The following ZGLP1 variants were observed in gnomAD, a reference collection of about 807,000 sequenced individuals.
The protein encoded by ZGLP1 is GATA-type zinc finger protein 1.
Under a neutral mutation model 21.4 loss-of-function variants are expected in ZGLP1, and 11 were observed. The ratio of observed to expected loss-of-function variants is 0.51; its 90% CI spans 0.32 to 0.85. The LOEUF is 0.85. Among genes scored for constraint, ZGLP1 ranks in the 40% least tolerant of loss-of-function variants. The probability of loss-of-function intolerance (pLI) is 0.03; values close to 1 mark genes in which losing one functional copy is unlikely to be tolerated. For synonymous variants in ZGLP1, 148 were observed against 145.0 expected, an observed-to-expected ratio of 1.02 and a Z score of -0.15; for missense variants, 295 against 355.6, an observed-to-expected ratio of 0.83 and a Z score of 1.37.
In ZGLP1 at chr19:10,305,251, G is replaced by A; in HGVS notation, c.699-43C>T. ...GAAACTGCCATTTAGGATGCAGTGG[G>A]GGCCCGGAAACCGCCACAAGGAAAC... On this transcript the variant is annotated intron_variant, in intron 3 of 3. Transcript: ENST00000403903. The surrounding 1 kb of genome is among the most constrained non-coding windows in gnomAD (Gnocchi z 4.7). 3 of 1,596,452 alleles carry A rather than the reference G, an allele frequency of 1.9e-6. No individual in the cohort carries two copies. The highest frequency in any genetic ancestry group is 1.1e-5 in the South Asian group (1 of 90,698).
chr19:10,309,056 AAT>A (rs1252750178), exon 1 of ZGLP1: 2 of 172,898 alleles, frequency 1.2e-5, no homozygotes, highest in African/African-American at 4.7e-5. Context: ...GGCTTGCCAT[AAT>A]ATGATTACGA....
At chr19:10,306,511 C>T (rs937940823) in intron 1 of ZGLP1, among the ~76,000 whole-genome samples, 2 of 152,118 alleles carry the variant, frequency 1.3e-5, no homozygotes, top group East Asian at 3.8e-4. Context: ...AGCCTGGACA[C>T]ATTATCTCCT....
exon 4 of ZGLP1, chr19:10,304,972 G>C: frequency 1.3e-6 from 1 of 763,704 alleles, no homozygotes; most frequent in South Asian, 1.8e-5. Context: ...TGAATCTGGA[G>C]ATGGCAGAGA....
chr19:10,305,304 C>T lies in ZGLP1; in HGVS notation c.698+86G>A, dbSNP rs536935984. The T allele has an allele frequency of 1.6e-5, 25 of 1,553,904 alleles. No individual in the cohort carries two copies. The highest frequency in any genetic ancestry group is 1.1e-4 in the Admixed American group (6 of 53,964). ...CTTTTCCCAAGAGGTAGGTGTTTTG[C>T]TTTTTGCTTTCCCCACAGGCCATCC... On this transcript the variant is annotated intron_variant, in intron 3 of 3. Coordinates refer to ENST00000403903, the Ensembl canonical transcript of ZGLP1. The surrounding 1 kb of genome is among the most constrained non-coding windows in gnomAD (Gnocchi z 4.7).
In ZGLP1 at chr19:10,305,763, GA is replaced by G. The variant is rs1282109499; in HGVS notation, c.604+82del. On this transcript the variant is annotated intron_variant, in intron 2 of 3. Coordinates refer to ENST00000403903, the Ensembl canonical transcript of ZGLP1. This position sits in a 1 kb window ranked among gnomAD's most constrained non-coding sequence, Gnocchi z 4.7. ...GCTCTAAATGGGGAAGCAAGATGGA[GA>G]AGGGGGGGGCAGGGAGAAAGGCAGG... 5.2e-6 allele frequency: 6 copies of G among 1,155,388 alleles called. No homozygotes were observed. In the East Asian group the frequency reaches 1.3e-4, roughly 25 times the overall value. 71.6% of individuals were successfully genotyped at this position (1,155,388 alleles called of 1,614,324 possible).
chr19:10,305,760 G>T lies in ZGLP1; in HGVS notation c.604+86C>A. On this transcript the variant is annotated intron_variant, in intron 2 of 3. Transcript: ENST00000403903. The surrounding 1 kb of genome is among the most constrained non-coding windows in gnomAD (Gnocchi z 4.7). Reference sequence around the variant, plus strand: ...AGGGCTCTAAATGGGGAAGCAAGATGGAGAAGGGGGGGGCAGGGAGAAAGG... The same window carrying T: ...AGGGCTCTAAATGGGGAAGCAAGATTGAGAAGGGGGGGGCAGGGAGAAAGG... 1 of 1,133,174 alleles carries T rather than the reference G, an allele frequency of 8.8e-7. No homozygotes were observed. Among genetic ancestry groups the T allele is most frequent in the Non-Finnish European group, 1.3e-6 (1 of 767,782 alleles). 70.2% of individuals were successfully genotyped at this position (1,133,174 alleles called of 1,614,324 possible).
At position 10,308,926 on chromosome 19, in the gene ZGLP1, G is replaced by A. The variant is rs2040296435; in HGVS notation, c.-245C>T. ...AGACCGAGCCTCACTCTGTACCCCC[G>A]CCTGGAGTGCAGGGGCGTGATCAGG... On this transcript the variant is annotated 5_prime_UTR_variant, in exon 1 of 4. Transcript: ENST00000403903. 5 of 341,844 alleles carry A rather than the reference G, an allele frequency of 1.5e-5. No homozygotes were observed. In the Admixed American group the frequency reaches 2.2e-4, roughly 15 times the overall value. 21.2% of individuals were successfully genotyped at this position (341,844 alleles called of 1,614,324 possible).
At position 10,305,900 on chromosome 19, in the gene ZGLP1, G is replaced by A. The variant is rs1336778927; in HGVS notation, c.550C>T (p.Pro184Ser). 1 of 1,565,320 alleles carries A rather than the reference G, an allele frequency of 6.4e-7. No homozygotes were observed. The highest frequency in any genetic ancestry group is 1.9e-5 in the Admixed American group (1 of 53,056). The change falls in exon 2 of 4, where the codon CCT becomes TCT. Residue 184 changes from proline to serine, a missense_variant. Transcript: ENST00000403903. This position sits in a 1 kb window ranked among gnomAD's most constrained non-coding sequence, Gnocchi z 4.7. ...TCGGTGCCTCCTGGGTGGGCTGCAG[G>A]GCCCCCAACAGCATCTGCAGGGGAT...
At chr19:10,307,107 C>T (rs540829383) in intron 1 of ZGLP1, among the ~76,000 whole-genome samples, 2 of 150,286 alleles carry the variant, frequency 1.3e-5, no homozygotes, top group East Asian at 3.9e-4. Context: ...GCACTCCAGC[C>T]TGAACGACAG....
At position 10,305,356 on chromosome 19, in the gene ZGLP1, C is replaced by A. The variant is rs1382363124; in HGVS notation, c.698+34G>T. 1.9e-6 allele frequency: 3 copies of A among 1,558,970 alleles called. No homozygotes were observed. The highest frequency in any genetic ancestry group is 1.9e-5 in the Admixed American group (1 of 52,354). On this transcript the variant is annotated intron_variant, in intron 3 of 3. Coordinates refer to ENST00000403903, the Ensembl canonical transcript of ZGLP1. The surrounding 1 kb of genome is among the most constrained non-coding windows in gnomAD (Gnocchi z 4.7). ...GGTTACACGTGGACTGATTTGGGGA[C>A]CCCCGCCCCAACTCCCTCCTCCATT...
At chr19:10,304,830 C>T (rs1277532560) in exon 4 of ZGLP1, 5 of 526,316 alleles carry the variant, frequency 9.5e-6, no homozygotes, top group Non-Finnish European at 1.7e-5. Context: ...ACTTTATTGT[C>T]CCTGCTGTAA....
exon 1 of ZGLP1, chr19:10,308,756 C>T: frequency 1.5e-6 from 2 of 1,349,868 alleles, no homozygotes; most frequent in Middle Eastern, 2.7e-4. Context: ...CTCCCAGGCA[C>T]GCCCAGCCCT....
chr19:10,307,059 G>A (rs576983450), intron 1 of ZGLP1, among the ~76,000 whole-genome samples: 8 of 151,640 alleles, frequency 5.3e-5, no homozygotes, highest in Admixed American at 4.0e-4. Context: ...GTTTGAATCC[G>A]GGAGGCAGAG....
rs532632241 is a variant in ZGLP1 at position 10,305,855 on chromosome 19, C to T, written c.595G>A (p.Glu199Lys). Residue 199 changes from glutamate (E) to lysine (K), a missense_variant, in exon 2 of 4, where the codon GAG (glutamate) becomes AAG (lysine). Physicochemically the swap from Glu to Lys is moderately conservative, Grantham distance 56. Transcript: ENST00000403903. This position sits in a 1 kb window ranked among gnomAD's most constrained non-coding sequence, Gnocchi z 4.7. Reference sequence around the variant, plus strand: ...GGTTTTCAGGACTCACCCAGGGCCTCGCTGCCTGCTGAGTGGGCCTCGGTG... The same window carrying T: ...GGTTTTCAGGACTCACCCAGGGCCTTGCTGCCTGCTGAGTGGGCCTCGGTG... 5.5e-5 allele frequency: 86 copies of T among 1,554,590 alleles called. No individual in the cohort carries two copies. The highest frequency in any genetic ancestry group is 2.2e-4 in the East Asian group (9 of 41,546).
At chr19:10,308,495 T>G in exon 1 of ZGLP1, 7 of 1,610,726 alleles carry the variant, frequency 4.3e-6, no homozygotes, top group Non-Finnish European at 5.9e-6. Flanking sequence ...CTCTCCACTG[T>G]CTCTTGGAGG....
At chr19:10,306,963 A>G (rs933776920) in intron 1 of ZGLP1, among the ~76,000 whole-genome samples, 6 of 151,812 alleles carry the variant, frequency 4.0e-5, no homozygotes, top group African/African-American at 1.5e-4. Context: ...GCAAAACCCC[A>G]TCTCTACTAA....
At chr19:10,306,771 C>T (rs1007802326) in intron 1 of ZGLP1, among the ~76,000 whole-genome samples, 9 of 151,842 alleles carry the variant, frequency 5.9e-5, no homozygotes, top group African/African-American at 9.7e-5. Flanking sequence ...GCCATGATTG[C>T]GCCACTGCAC....
At chr19:10,308,538 A>G in exon 1 of ZGLP1, 1 of 1,605,622 alleles carries the variant, frequency 6.2e-7, no homozygotes, top group Non-Finnish European at 8.5e-7. Flanking sequence ...CCTGGCATGC[A>G]GGCCAGAGGG....
rs1302547696 is a variant in ZGLP1 at position 10,304,878 on chromosome 19, C to T, written c.*213G>A. Reference sequence around the variant, plus strand: ...TTCCTGAGAGCGTCTCCTGAGGGGGCCTCGGCCAAGGCTGACTGGAGAAGG... The same window carrying T: ...TTCCTGAGAGCGTCTCCTGAGGGGGTCTCGGCCAAGGCTGACTGGAGAAGG... On this transcript the variant is annotated 3_prime_UTR_variant, in exon 4 of 4. Coordinates refer to ENST00000403903, the Ensembl canonical transcript of ZGLP1. 19 of 580,570 alleles carry T rather than the reference C, an allele frequency of 3.3e-5. No individual in the cohort carries two copies. The Admixed American group carries it at 6.1e-4, about 19-fold the overall frequency. The allele number at this position is 580,570 out of a possible 1,614,324, so 36.0% of individuals were successfully genotyped here.
Sources: allele counts gnomAD v4.1 joint callset (sites outside exome capture counted in the v4.1 genomes callset), GRCh38; gene constraint gnomAD v4.1.1; non-coding constraint Gnocchi (gnomAD v3.1); transcripts MANE v1.5; gene names NCBI Gene and HGNC (gene_info 2026-07-23, HGNC 2026-07-21).